CLEC19A: variants seen among roughly 807,000 people sequenced by gnomAD.
CLEC19A encodes C-type lectin domain containing 19A.
Under a neutral mutation model 26.1 loss-of-function variants are expected in CLEC19A, and 21 were observed. That is an observed-to-expected ratio of 0.80 (90% confidence interval 0.57 to 1.16). CLEC19A has a LOEUF of 1.16. CLEC19A is among the 50% of genes most tolerant of loss of function. The pLI is 0.00. For synonymous variants in CLEC19A, 89 were observed against 88.6 expected, an observed-to-expected ratio of 1.00 and a Z score of -0.03; for missense variants, 224 against 227.6, an observed-to-expected ratio of 0.98 and a Z score of 0.10.
Position 19,301,177 on chromosome 16 carries a change from A to G in CLEC19A, c.254+2339A>G, listed in dbSNP as rs370001978. On this transcript the variant is annotated intron_variant, in intron 2 of 4. Transcript: ENST00000636231. ...TCCAAATCAAGGCTTTTCTCTAGAC[A>G]GCCCTCATTGTACTTGCAACCTCAG... 3.7e-4 allele frequency among the ~76,000 whole-genome samples: 56 copies of G among 152,338 alleles called. No individual in the cohort carries two copies. The East Asian group carries it at 5.8e-3, about 16-fold the overall frequency.
chr16:19,301,736 G>GCTTTT (rs1897829210), intron 2 of CLEC19A, among the ~76,000 whole-genome samples: 1 of 81,498 alleles, frequency 1.2e-5, no homozygotes, highest in Non-Finnish European at 2.3e-5. Flanking sequence ...GGTTTTTTTG[G>GCTTTT]TTTTTTTTTT....
At chr16:19,298,243 CAAA>C (rs377007663) in intron 1 of CLEC19A, among the ~76,000 whole-genome samples, 1 of 127,446 alleles carries the variant, frequency 7.8e-6, no homozygotes, top group African/African-American at 3.0e-5. Context: ...AACTCAATCT[CAAA>C]AAAAAAAAAA....
Position 19,307,732 on chromosome 16 carries a change from T to C in CLEC19A, c.481+55T>C, listed in dbSNP as rs1230156494. ...AGGGGAGCCCAGGAGGTGTCACAGG[T>C]GGGGAGAGCGGAGAAGGGCCTTGGG... On this transcript the variant is annotated intron_variant, in intron 4 of 4. Transcript: ENST00000636231. 6 of 1,540,560 alleles carry C rather than the reference T, an allele frequency of 3.9e-6. No homozygotes were observed. The African/African-American group carries it at 8.3e-5, about 21-fold the overall frequency.
intron 4 of CLEC19A, among the ~76,000 whole-genome samples, chr16:19,308,243 G>A (rs1453220651): frequency 2.6e-5 from 4 of 152,192 alleles, no homozygotes; most frequent in South Asian, 2.1e-4. Context: ...GAGGATTAAA[G>A]GAGGCACAGT....
chr16:19,307,568 T>C lies in CLEC19A; in HGVS notation c.372T>C (p.Asp124=), dbSNP rs1239446461. Residue 124 remains aspartate (D), a synonymous_variant, in exon 4 of 5, where the codon GAT becomes GAC. Coordinates refer to ENST00000636231, the MANE Select transcript of CLEC19A (RefSeq NM_001256720.2). ...AGGAAGGGCAGTTTGAATGGACTGA[T>C]GGCTCATCCTATGACTACAGCTACT... ...HRQEGQFEWT[D]GSSYDYSYWD... The C allele has an allele frequency of 1.9e-6, 3 of 1,548,124 alleles. No homozygotes were observed. The highest frequency in any genetic ancestry group is 1.4e-5 in the African/African-American group (1 of 72,952).
intron 2 of CLEC19A, among the ~76,000 whole-genome samples, chr16:19,301,268 C>A (rs1304495121): frequency 6.6e-6 from 1 of 152,180 alleles, no homozygotes; most frequent in Non-Finnish European, 1.5e-5. Flanking sequence ...AGAACAGGAA[C>A]TTTGGGCTAC....
intron 1 of CLEC19A, among the ~76,000 whole-genome samples, chr16:19,293,657 T>C (rs1346179808): frequency 1.3e-5 from 2 of 152,128 alleles, no homozygotes; most frequent in Admixed American, 1.3e-4. Flanking sequence ...GGTCTCACTA[T>C]GTTGCCCAGG....
chr16:19,288,566 A>C (rs1412863911), intron 1 of CLEC19A, among the ~76,000 whole-genome samples: 1 of 150,756 alleles, frequency 6.6e-6, no homozygotes, highest in Non-Finnish European at 1.5e-5. Flanking sequence ...GTTTTGGAGG[A>C]AAAAAAACTT....
At chr16:19,308,438 G>A (rs969652463) in intron 4 of CLEC19A, among the ~76,000 whole-genome samples, 5 of 152,220 alleles carry the variant, frequency 3.3e-5, no homozygotes, top group African/African-American at 1.2e-4. Flanking sequence ...AAAGAAGATA[G>A]TGCTCATAGA....
intron 1 of CLEC19A, among the ~76,000 whole-genome samples, chr16:19,292,802 A>G (rs1240774973): frequency 6.6e-6 from 1 of 152,184 alleles, no homozygotes; most frequent in East Asian, 1.9e-4. Context: ...GTCTTTGAGA[A>G]ATGGCAAAAG....
intron 1 of CLEC19A, among the ~76,000 whole-genome samples, chr16:19,292,037 G>A (rs1003962055): frequency 6.6e-6 from 1 of 152,114 alleles, no homozygotes; most frequent in African/African-American, 2.4e-5. Context: ...GGTTCTTTTT[G>A]AAATATCCAC....
chr16:19,299,711 A>G (rs1309829606), intron 2 of CLEC19A, among the ~76,000 whole-genome samples: 3 of 152,104 alleles, frequency 2.0e-5, no homozygotes, highest in African/African-American at 7.2e-5. Flanking sequence ...TACACTCATT[A>G]CCCAGCTCTC....
At chr16:19,293,345 A>G (rs886208319) in intron 1 of CLEC19A, among the ~76,000 whole-genome samples, 1 of 152,194 alleles carries the variant, frequency 6.6e-6, no homozygotes, top group Non-Finnish European at 1.5e-5. Context: ...TTAGGTAATC[A>G]TGTTGTAGCC....
chr16:19,304,396 T>TAA (rs35007845), intron 3 of CLEC19A: 47,005 of 196,084 alleles, frequency 0.24, 7,076 homozygotes, highest in East Asian at 0.49. Flanking sequence ...TGGGTTCTCT[T>TAA]AAAAAAAAAA....
chr16:19,294,787 G>A (rs535473188), intron 1 of CLEC19A, among the ~76,000 whole-genome samples: 60 of 152,254 alleles, frequency 3.9e-4, no homozygotes, highest in Admixed American at 1.7e-3. Context: ...CATTAGTTGC[G>A]GGGGCTGTGT....
chr16:19,302,501 A>C (rs1897856856), intron 2 of CLEC19A, among the ~76,000 whole-genome samples: 1 of 152,238 alleles, frequency 6.6e-6, no homozygotes, highest in African/African-American at 2.4e-5. Flanking sequence ...GTTGCAACAC[A>C]AAAGGTACAT....
rs1897755746 is a variant in CLEC19A at position 19,298,704 on chromosome 16, C to A, written c.120C>A (p.Cys40Ter). 1 of 1,551,144 alleles carries A rather than the reference C, an allele frequency of 6.4e-7. No individual in the cohort carries two copies. Among genetic ancestry groups the A allele is most frequent in the East Asian group, 2.4e-5 (1 of 40,926 alleles). ...ALPELPLPSL[C>*]PLFWMEFKGH... Reference sequence around the variant, plus strand: ...CAGAGCTGCCCCTGCCTTCCCTGTGCCCCCTGTTCTGGATGGAGTTCAAAG... The same window carrying A: ...CAGAGCTGCCCCTGCCTTCCCTGTGACCCCTGTTCTGGATGGAGTTCAAAG... Residue 40 changes from cysteine (C) to a stop codon, truncating the protein, a stop_gained, in exon 2 of 5, where the codon TGC becomes TGA. Transcript: ENST00000636231. LOFTEE classifies it high-confidence loss of function.
At chr16:19,290,060 G>A (rs572400218) in intron 1 of CLEC19A, among the ~76,000 whole-genome samples, 22 of 152,256 alleles carry the variant, frequency 1.4e-4, no homozygotes, top group Middle Eastern at 3.4e-3. Flanking sequence ...ATTTGTGGGC[G>A]GCTGGATTGG....
chr16:19,289,121 G>C (rs957225799), intron 1 of CLEC19A, among the ~76,000 whole-genome samples: 4 of 152,190 alleles, frequency 2.6e-5, no homozygotes, highest in Non-Finnish European at 5.9e-5. Context: ...TCTGACTCCA[G>C]AGTCCAAGCT....
Sources: gnomAD v4.1 joint callset for allele counts (sites outside exome capture counted in the v4.1 genomes callset) on GRCh38, gnomAD v4.1.1 for gene constraint, MANE v1.5 for transcripts, NCBI Gene and HGNC (gene_info 2026-07-23, HGNC 2026-07-21) for gene names.